The following CFAP70 variants were observed in gnomAD, a reference collection of about 807,000 sequenced individuals.
CFAP70 encodes the protein cilia and flagella associated protein 70, also known as cilia- and flagella-associated protein 70.
A neutral mutation model predicts 137.6 loss-of-function variants in CFAP70; 81 were observed. That is an observed-to-expected ratio of 0.59 (90% CI 0.49 to 0.71). CFAP70 has a LOEUF of 0.71. Among genes scored for constraint, CFAP70 ranks in the 30% least tolerant of loss-of-function variants. The pLI is 0.00. For synonymous variants in CFAP70, 382 were observed against 423.6 expected (o/e 0.90, Z 1.20); for missense variants, 976 against 1,226.7 (o/e 0.80, Z 3.05).
chr10:73,275,704 A>T lies in CFAP70; in HGVS notation c.2521-106T>A. Reference sequence around the variant, plus strand: ...ATAAATAATACGAAATGTATTACAGAATGAAATAATTATCCTCAACTTCAA... The same window carrying T: ...ATAAATAATACGAAATGTATTACAGTATGAAATAATTATCCTCAACTTCAA... On this transcript the variant is annotated intron_variant, in intron 21 of 26. Transcript: ENST00000310715. This position sits in a 1 kb window ranked among gnomAD's most constrained non-coding sequence, Gnocchi z 4.0. 1 of 1,009,422 alleles carries T rather than the reference A, an allele frequency of 9.9e-7. No individual in the cohort carries two copies. The highest frequency in any genetic ancestry group is 1.4e-6 in the Non-Finnish European group (1 of 730,214). The allele number at this position is 1,009,422 out of a possible 1,614,324, so 62.5% of individuals were successfully genotyped here. A position where few individuals can be genotyped will look rare whatever the true frequency, so the allele number is the denominator to read the frequency against.
intron 1 of CFAP70, among the ~76,000 whole-genome samples, chr10:73,355,967 G>GT (rs554247747): frequency 6.6e-6 from 1 of 151,658 alleles, no homozygotes; most frequent in South Asian, 2.1e-4. Context: ...TCTGGTAACC[G>GT]TTTTTTTTAA....
intron 12 of CFAP70, among the ~76,000 whole-genome samples, chr10:73,308,816 A>T (rs2049645633): frequency 1.3e-5 from 2 of 151,356 alleles, no homozygotes; most frequent in Non-Finnish European, 2.9e-5. Context: ...AAATGAAAAA[A>T]AAAAAAAAAC....
At chr10:73,306,243 T>C (rs554320159) in intron 12 of CFAP70, among the ~76,000 whole-genome samples, 2 of 152,068 alleles carry the variant, frequency 1.3e-5, no homozygotes, top group Non-Finnish European at 2.9e-5. Flanking sequence ...TGGAAGAAAC[T>C]TCCCCCTTTC....
At chr10:73,336,580 C>CTTT (rs58611619) in intron 6 of CFAP70, among the ~76,000 whole-genome samples, 23 of 124,234 alleles carry the variant, frequency 1.9e-4, no homozygotes, top group Non-Finnish European at 2.8e-4. Flanking sequence ...TACTATTTTC[C>CTTT]TTTTTTTTTT....
chr10:73,279,854 T>C (rs2047128556), intron 19 of CFAP70, among the ~76,000 whole-genome samples: 1 of 151,648 alleles, frequency 6.6e-6, no homozygotes, highest in South Asian at 2.1e-4. Flanking sequence ...CGAGACTCTG[T>C]CTTAAAAAAA....
chr10:73,281,917 C>A (rs1359054273), intron 19 of CFAP70, among the ~76,000 whole-genome samples: 1 of 152,214 alleles, frequency 6.6e-6, no homozygotes, highest in East Asian at 1.9e-4. Context: ...TGCAAGTTCT[C>A]ACTTATAAAT....
At chr10:73,331,226 C>G (rs746020283) in exon 8 of CFAP70, 21 of 1,613,670 alleles carry the variant, frequency 1.3e-5, no homozygotes, top group Non-Finnish European at 1.7e-5. Context: ...CAGAGGAACT[C>G]TTGTGATCTC....
chr10:73,318,338 A>G (rs540792287), intron 9 of CFAP70, among the ~76,000 whole-genome samples: 1 of 152,034 alleles, frequency 6.6e-6, no homozygotes, highest in African/African-American at 2.4e-5. Flanking sequence ...TTCCTTTCCA[A>G]TGTTTTCTAT....
At chr10:73,318,892 C>A (rs1195935214) in intron 9 of CFAP70, among the ~76,000 whole-genome samples, 1 of 152,150 alleles carries the variant, frequency 6.6e-6, no homozygotes, top group African/African-American at 2.4e-5. Flanking sequence ...TACATATGGA[C>A]AATACATTTT....
chr10:73,284,482 G>A (rs1033346152), intron 19 of CFAP70, among the ~76,000 whole-genome samples: 1 of 151,710 alleles, frequency 6.6e-6, no homozygotes, highest in Admixed American at 6.6e-5. Flanking sequence ...AGGAGCCATT[G>A]TTTAGCCTAC....
intron 8 of CFAP70, among the ~76,000 whole-genome samples, chr10:73,325,199 A>G (rs1326978752): frequency 1.3e-5 from 2 of 152,248 alleles, no homozygotes; most frequent in Non-Finnish European, 2.9e-5. Flanking sequence ...CTTAAAGAAA[A>G]GAATTTTCAA....
intron 12 of CFAP70, among the ~76,000 whole-genome samples, chr10:73,300,637 T>C (rs991008088): frequency 1.3e-5 from 2 of 151,682 alleles, no homozygotes; most frequent in African/African-American, 4.8e-5. Flanking sequence ...CCGAGGCGGG[T>C]GGATTGCCTG....
At chr10:73,325,031 T>C (rs939722270) in intron 8 of CFAP70, among the ~76,000 whole-genome samples, 1 of 152,004 alleles carries the variant, frequency 6.6e-6, no homozygotes, top group Non-Finnish European at 1.5e-5. Flanking sequence ...AGACACATAA[T>C]TGTCAGATTC....
At chr10:73,256,833 G>A (rs2044556219) in intron 25 of CFAP70, among the ~76,000 whole-genome samples, 1 of 148,452 alleles carries the variant, frequency 6.7e-6, no homozygotes, top group African/African-American at 2.5e-5. Flanking sequence ...AACCCAGGAG[G>A]CAGAGGTTGC....
chr10:73,291,697 A>T, exon 18 of CFAP70: 1 of 1,614,146 alleles, frequency 6.2e-7, no homozygotes, highest in Non-Finnish European at 8.5e-7. Context: ...TCCTCAAAGA[A>T]AATTTCTGCT....
At chr10:73,271,534 A>G (rs568333495) in intron 24 of CFAP70, among the ~76,000 whole-genome samples, 6 of 152,326 alleles carry the variant, frequency 3.9e-5, no homozygotes, top group African/African-American at 1.4e-4. Context: ...GTTAAGTCGA[A>G]AAAAGGTTAC....
chr10:73,291,818 C>T (rs541286922), intron 17 of CFAP70, 63 bp from the exon 19 acceptor site: 13 of 1,613,390 alleles, frequency 8.1e-6, no homozygotes, highest in African/African-American at 8.0e-5. Flanking sequence ...GGAACCAAGA[C>T]AATTTCACGT....
chr10:73,302,881 TTC>T (rs2049058036), intron 12 of CFAP70, among the ~76,000 whole-genome samples: 1 of 133,544 alleles, frequency 7.5e-6, no homozygotes, highest in East Asian at 2.3e-4. Context: ...TTCTTTTCTT[TTC>T]TTTTTTTTTT....
Position 73,275,380 on chromosome 10 carries a change from A to G in CFAP70, c.2673+66T>C. 2 of 1,499,178 alleles carry G rather than the reference A, an allele frequency of 1.3e-6. No homozygotes were observed. Among genetic ancestry groups the G allele is most frequent in the East Asian group, 4.7e-5 (2 of 42,532 alleles). 92.9% of individuals were successfully genotyped at this position (1,499,178 alleles called of 1,614,324 possible). A position where few individuals can be genotyped will look rare whatever the true frequency, so the allele number is the denominator to read the frequency against. ...TGTTCACCAGAAATCTACGTGTGAT[A>G]TGGCATCACCACCTTTAAATAAAGC... is the stretch of plus-strand genomic sequence containing the variant. On this transcript the variant is annotated intron_variant, in intron 22 of 26. Transcript: ENST00000310715. The surrounding 1 kb of genome is among the most constrained non-coding windows in gnomAD (Gnocchi z 4.0).
Sources: allele counts gnomAD v4.1 joint callset (sites outside exome capture counted in the v4.1 genomes callset), GRCh38; gene constraint gnomAD v4.1.1; non-coding constraint Gnocchi (gnomAD v3.1); transcripts MANE v1.5; gene names NCBI Gene and HGNC (gene_info 2026-07-23, HGNC 2026-07-21).